The following RBFOX1 variants were observed in gnomAD, a reference collection of about 807,000 sequenced individuals.
RBFOX1 encodes RNA binding fox-1 homolog 1, also known as RNA binding protein fox-1 homolog 1.
A neutral mutation model predicts 57.7 loss-of-function variants in RBFOX1; 8 were observed. The ratio of observed to expected loss-of-function variants is 0.14; its 90% CI spans 0.08 to 0.25. The LOEUF (loss-of-function observed/expected upper bound fraction) is 0.25, where lower values mean the gene tolerates loss of function less well. RBFOX1 is among the 10% of genes least tolerant of loss of function. RBFOX1 has a pLI of 1.00. For synonymous variants in RBFOX1, 326 were observed against 222.4 expected, an observed-to-expected ratio of 1.47 and a Z score of -4.15; for missense variants, 611 against 548.5, an observed-to-expected ratio of 1.11 and a Z score of -1.14.
chr16:5,729,141 G>T (rs2052263764), intron 3 of RBFOX1, among the ~76,000 whole-genome samples: 1 of 152,202 alleles, frequency 6.6e-6, no homozygotes, highest in Admixed American at 6.5e-5. Context: ...TTGGAAACTG[G>T]GAGACCTAAT....
chr16:7,383,658 A>G (rs754242760), intron 4 of RBFOX1, among the ~76,000 whole-genome samples: 4 of 152,186 alleles, frequency 2.6e-5, no homozygotes, highest in African/African-American at 7.2e-5. Context: ...TTTAAAAATA[A>G]GATGCAATAT....
At chr16:6,248,517 T>A (rs1598792621) in intron 1 of RBFOX1, among the ~76,000 whole-genome samples, 1 of 152,186 alleles carries the variant, frequency 6.6e-6, no homozygotes, top group African/African-American at 2.4e-5. Context: ...GAGGGCAGGA[T>A]GCTCATTGTC....
chr16:6,952,386 C>G (rs921604053), intron 3 of RBFOX1, among the ~76,000 whole-genome samples: 5 of 152,142 alleles, frequency 3.3e-5, no homozygotes, highest in African/African-American at 1.2e-4. Context: ...GTGGTTCACA[C>G]CTGTAATCCC....
intron 2 of RBFOX1, among the ~76,000 whole-genome samples, chr16:6,524,241 C>T (rs1036285940): frequency 1.3e-5 from 2 of 152,126 alleles, no homozygotes; most frequent in African/African-American, 2.4e-5. Context: ...TGAGAATATG[C>T]ACTGTGTGAC....
At chr16:7,677,626 G>A (rs2073733826) in intron 14 of RBFOX1, among the ~76,000 whole-genome samples, 1 of 152,132 alleles carries the variant, frequency 6.6e-6, no homozygotes, top group South Asian at 2.1e-4. Flanking sequence ...AAAGGAAAGT[G>A]TGTGTTTTCA....
At chr16:6,662,297 A>C (rs1374787153) in intron 3 of RBFOX1, among the ~76,000 whole-genome samples, 3 of 152,190 alleles carry the variant, frequency 2.0e-5, no homozygotes, top group Non-Finnish European at 2.9e-5. Flanking sequence ...CACACACACA[A>C]GTCTGTGAGA....
intron 1 of RBFOX1, among the ~76,000 whole-genome samples, chr16:6,228,560 C>T (rs539575095): frequency 6.6e-6 from 1 of 152,080 alleles, no homozygotes; most frequent in Non-Finnish European, 1.5e-5. Flanking sequence ...CTAAGCCAGA[C>T]ATAGAAAGAC....
intron 4 of RBFOX1, among the ~76,000 whole-genome samples, chr16:7,090,829 A>G (rs1330130876): frequency 6.6e-6 from 1 of 152,134 alleles, no homozygotes; most frequent in African/African-American, 2.4e-5. Context: ...ATGTGATCTG[A>G]GCTGAGCACC....
intron 2 of RBFOX1, among the ~76,000 whole-genome samples, chr16:6,478,710 G>T (rs964729163): frequency 5.9e-5 from 9 of 151,858 alleles, no homozygotes; most frequent in African/African-American, 2.2e-4. Context: ...GTGCCTTAAG[G>T]AATGGGAAGG....
At chr16:7,512,175 C>T (rs551916031) in intron 4 of RBFOX1, among the ~76,000 whole-genome samples, 2 of 152,252 alleles carry the variant, frequency 1.3e-5, no homozygotes, top group African/African-American at 4.8e-5. Context: ...AATGTCTAGC[C>T]AGAATGCTCC....
At chr16:5,634,949 C>T (rs903725632) in intron 3 of RBFOX1, among the ~76,000 whole-genome samples, 1 of 152,180 alleles carries the variant, frequency 6.6e-6, no homozygotes, top group African/African-American at 2.4e-5. Flanking sequence ...GCACCTTCCC[C>T]TATACCAATT....
At chr16:7,521,794 T>G (rs542264230) in intron 5 of RBFOX1, among the ~76,000 whole-genome samples, 10 of 152,276 alleles carry the variant, frequency 6.6e-5, no homozygotes, top group Middle Eastern at 3.4e-3. Flanking sequence ...AAGAGAAAAC[T>G]CAGTAGGAAG....
chr16:7,271,933 C>T (rs1205739609), intron 4 of RBFOX1, among the ~76,000 whole-genome samples: 1 of 152,136 alleles, frequency 6.6e-6, no homozygotes, highest in Non-Finnish European at 1.5e-5. Flanking sequence ...CTGGAAATAT[C>T]CCCTCAGGCT....
chr16:6,442,488 C>T (rs547274117), intron 2 of RBFOX1, among the ~76,000 whole-genome samples: 6 of 151,306 alleles, frequency 4.0e-5, no homozygotes, highest in Non-Finnish European at 7.4e-5. Flanking sequence ...GCCTGGGAAG[C>T]GGAGGTTGCA....
intron 2 of RBFOX1, among the ~76,000 whole-genome samples, chr16:6,353,183 A>C (rs2086695353): frequency 6.6e-6 from 1 of 152,110 alleles, no homozygotes; most frequent in South Asian, 2.1e-4. Context: ...TCTTTCCCAA[A>C]GATCATCTCC....
At chr16:7,178,181 G>C (rs553193437) in intron 4 of RBFOX1, among the ~76,000 whole-genome samples, 1 of 152,336 alleles carries the variant, frequency 6.6e-6, no homozygotes, top group South Asian at 2.1e-4. Context: ...CTCATGCAAA[G>C]CCCACCATGG....
chr16:5,640,376 TCATGCATG>T (rs199874101), intron 3 of RBFOX1, among the ~76,000 whole-genome samples: 2 of 151,930 alleles, frequency 1.3e-5, no homozygotes, highest in African/African-American at 2.4e-5. Flanking sequence ...CACATGTACA[TCATGCATG>T]CATGCATGCA....
At chr16:5,420,122 T>C (rs1041314106) in intron 1 of RBFOX1, among the ~76,000 whole-genome samples, 1 of 152,178 alleles carries the variant, frequency 6.6e-6, no homozygotes, top group Non-Finnish European at 1.5e-5. Flanking sequence ...TAATTTGTTA[T>C]ACAGTGACGG....
intron 4 of RBFOX1, among the ~76,000 whole-genome samples, chr16:7,075,722 A>G (rs1334845703): frequency 6.6e-6 from 1 of 152,116 alleles, no homozygotes; most frequent in East Asian, 1.9e-4. Flanking sequence ...CTGGGACTAC[A>G]GGTGCCTGCC....
Sources: gnomAD v4.1 joint callset for allele counts (sites outside exome capture counted in the v4.1 genomes callset) on GRCh38, gnomAD v4.1.1 for gene constraint, MANE v1.5 for transcripts, NCBI Gene and HGNC (gene_info 2026-07-23, HGNC 2026-07-21) for gene names.